ADAMTS10: variants seen among roughly 807,000 people sequenced by gnomAD.
ADAMTS10 encodes A disintegrin and metalloproteinase with thrombospondin motifs 10.
In ADAMTS10, 48 loss-of-function variants were observed where a neutral mutation model predicts 135.9. The ratio of observed to expected loss-of-function variants is 0.35; its 90% confidence interval spans 0.28 to 0.45. ADAMTS10 has a LOEUF of 0.45. Among genes scored for constraint, ADAMTS10 ranks in the 20% least tolerant of loss-of-function variants. The pLI, the probability that ADAMTS10 is intolerant of heterozygous loss-of-function variation, is 1.00. For missense variants in ADAMTS10, 1,131 were observed against 1,565.2 expected (o/e 0.72, Z 4.68); for synonymous variants, 621 against 647.5 (o/e 0.96, Z 0.62).
At position 8,596,378 on chromosome 19, in the gene ADAMTS10, C is replaced by T. The variant is rs1418029475; in HGVS notation, c.1119G>A (p.Glu373=). The change falls in exon 10 of 26, where the codon GAG becomes GAA. Residue 373 remains glutamate (E), a synonymous_variant. Transcript: ENST00000597188. This position sits in a 1 kb window ranked among gnomAD's most constrained non-coding sequence, Gnocchi z 7.2. ...TGTCCTCATTGACGCTGCAGCTTCTCTCGCGCTCACACATTCCGCCCACCG... is the reference window on the plus strand; with the variant it reads ...TGTCCTCATTGACGCTGCAGCTTCTTTCGCGCTCACACATTCCGCCCACCG... The part of the protein sequence containing the change: ...LAPVGGMCER[E]RSCSVNEDIG... 2.5e-6 allele frequency: 4 copies of T among 1,613,176 alleles called. No individual in the cohort carries two copies. The African/African-American group carries it at 4.0e-5, about 16-fold the overall frequency.
In ADAMTS10 at chr19:8,586,891, C is replaced by G. The variant is rs140823638; in HGVS notation, c.2164G>C (p.Glu722Gln). 1 of 1,614,174 alleles carries G rather than the reference C, an allele frequency of 6.2e-7. No homozygotes were observed. The highest frequency in any genetic ancestry group is 8.5e-7 in the Non-Finnish European group (1 of 1,180,032). The stretch of plus-strand genomic sequence containing the variant: ...CCTTTGGGAATCCAGACGACATCCT[C>G]GTACCCTGAACAGCAGAGCTCAGAT... ...FSPASPGAGY[E>Q]DVVWIPKGSV... is the part of the protein sequence containing the mutation. Residue 722 changes from glutamate to glutamine, a missense_variant, in exon 19 of 26, where the codon GAG (glutamate) becomes CAG (glutamine). This residue lies in a region of ADAMTS10 where 745 missense variants were observed against 1,056.3 expected (regional missense o/e 0.71). Transcript: ENST00000597188.
intron 15 of ADAMTS10, 27 bp downstream of exon 15, chr19:8,591,773 C>T: frequency 1.2e-6 from 2 of 1,610,884 alleles, no homozygotes; most frequent in South Asian, 1.1e-5. Flanking sequence ...CCTCCCCCCA[C>T]CCCTCAAGGG....
chr19:8,586,276 C>T (rs2042428031), intron 21 of ADAMTS10, 25 bp from the exon 22 acceptor site: 1 of 1,613,174 alleles, frequency 6.2e-7, no homozygotes, highest in Non-Finnish European at 8.5e-7. Context: ...GAGAGGCCTG[C>T]TCAGCCCCTC....
chr19:8,582,243 G>T (rs2042362903), intron 25 of ADAMTS10, among the ~76,000 whole-genome samples: 1 of 152,240 alleles, frequency 6.6e-6, no homozygotes, highest in East Asian at 1.9e-4. Context: ...GCTGAGTCGG[G>T]CGGATCATGA....
At chr19:8,606,549 G>A (rs924904940) in intron 2 of ADAMTS10, among the ~76,000 whole-genome samples, 2 of 152,020 alleles carry the variant, frequency 1.3e-5, no homozygotes, top group South Asian at 2.1e-4. Context: ...TTACAGGCAC[G>A]CATCAACACG....
chr19:8,595,992 C>A, intron 11 of ADAMTS10, 81 bp downstream of exon 11: 1 of 1,613,872 alleles, frequency 6.2e-7, no homozygotes, highest in Non-Finnish European at 8.5e-7. Flanking sequence ...CAGGGAGCAT[C>A]CCTGATTTCT....
chr19:8,582,972 A>G (rs1374917226), intron 25 of ADAMTS10, among the ~76,000 whole-genome samples: 1 of 151,622 alleles, frequency 6.6e-6, no homozygotes, highest in Non-Finnish European at 1.5e-5. Flanking sequence ...TTGTAGATAC[A>G]GGTGTCTTAC....
intron 25 of ADAMTS10, chr19:8,581,352 T>TA (rs1192010993): frequency 1.2e-5 from 2 of 169,652 alleles, no homozygotes; most frequent in Middle Eastern, 2.8e-3. Context: ...TTTGAGGATT[T>TA]AAGAGAGAGA....
intron 6 of ADAMTS10, among the ~76,000 whole-genome samples, chr19:8,600,661 G>A (rs1555741304): frequency 6.6e-6 from 1 of 151,934 alleles, no homozygotes; most frequent in Non-Finnish European, 1.5e-5. Flanking sequence ...ACCACACTCG[G>A]CTAATTTTTT....
rs143942365 is a variant in ADAMTS10 at position 8,590,359 on chromosome 19, C to T, written c.1798-368G>A. The stretch of plus-strand genomic sequence containing the variant: ...CATGATCTTAGCTCATTGCAACCTC[C>T]ATCTCCTGGGTTCAAGCAATTCTTC... On this transcript the variant is annotated intron_variant, in intron 15 of 25. Coordinates refer to ENST00000597188, the MANE Select transcript of ADAMTS10 (RefSeq NM_030957.4). Among the ~76,000 whole-genome samples the T allele has an allele frequency of 6.0e-3, 918 of 152,264 alleles. 9 individuals carry two copies. Among genetic ancestry groups the T allele is most frequent in the African/African-American group, 0.021 (881 of 41,538 alleles).
In ADAMTS10 at chr19:8,595,017, A is replaced by T. The variant is rs148113992; in HGVS notation, c.1479+745T>A. Among the ~76,000 whole-genome samples, 717 of 152,306 alleles carry T rather than the reference A, an allele frequency of 4.7e-3. 2 individuals are homozygous for T. Among genetic ancestry groups the T allele is most frequent in the Middle Eastern group, 0.01 (3 of 294 alleles). Reference sequence around the variant, plus strand: ...CTGCTTTGCATTAACATGGCATCACAAAAACTCTGATCGTTTGAGTTGTGA... The same window carrying T: ...CTGCTTTGCATTAACATGGCATCACTAAAACTCTGATCGTTTGAGTTGTGA... On this transcript the variant is annotated intron_variant, in intron 12 of 25. Coordinates refer to ENST00000597188, the MANE Select transcript of ADAMTS10 (RefSeq NM_030957.4).
intron 25 of ADAMTS10, among the ~76,000 whole-genome samples, 182 bp downstream of exon 25, chr19:8,584,713 G>T (rs2042399502): frequency 6.6e-6 from 1 of 152,168 alleles, no homozygotes; most frequent in African/African-American, 2.4e-5. Context: ...GAAACACTCA[G>T]CATACAGTGG....
chr19:8,591,866 G>A lies in ADAMTS10; in HGVS notation c.1734-3C>T. 5 of 1,613,488 alleles carry A rather than the reference G, an allele frequency of 3.1e-6. No homozygotes were observed. The highest frequency in any genetic ancestry group is 4.2e-6 in the Non-Finnish European group (5 of 1,180,014). ...AGTACTTGCCCCCGATGGTTGGCCT[G>A]GAAAGGGTGGTGGGATAGGAGAGGG... is the stretch of plus-strand genomic sequence containing the variant. On this transcript the variant is annotated splice_region_variant and splice_polypyrimidine_tract_variant and intron_variant, in intron 14 of 25. Transcript: ENST00000597188.
chr19:8,595,709 G>GCCCCCCCCCC, intron 12 of ADAMTS10, 53 bp downstream of exon 12: 1 of 798,696 alleles, frequency 1.3e-6, no homozygotes, highest in Non-Finnish European at 1.9e-6. Flanking sequence ...CCCTCCCCCA[G>GCCCCCCCCCC]CCCCAGCGGC....
intron 12 of ADAMTS10, 38 bp from the exon 13 acceptor site, chr19:8,592,908 C>T: frequency 5.7e-6 from 9 of 1,581,882 alleles, no homozygotes; most frequent in Non-Finnish European, 6.9e-6. Flanking sequence ...CGCCCCCCTC[C>T]CTTCCTCCCT....
chr19:8,587,171 T>G (rs2042445330), intron 18 of ADAMTS10, among the ~76,000 whole-genome samples: 1 of 151,600 alleles, frequency 6.6e-6, no homozygotes, highest in Admixed American at 6.6e-5. Flanking sequence ...TTCTTTTTTT[T>G]TTTTGGAGAC....
intron 20 of ADAMTS10, 43 bp from the exon 21 acceptor site, chr19:8,586,513 T>A (rs1555737250): frequency 1.2e-6 from 2 of 1,612,678 alleles, no homozygotes; most frequent in Non-Finnish European, 1.7e-6. Context: ...TCGCATGGAG[T>A]CTCTAATTCC....
chr19:8,596,619 G>A lies in ADAMTS10; in HGVS notation c.1041-34C>T, dbSNP rs1555740329. The A allele has an allele frequency of 1.9e-6, 3 of 1,610,514 alleles. No individual in the cohort carries two copies. The highest frequency in any genetic ancestry group is 2.2e-5 in the South Asian group (2 of 90,724). ...GGAGACAGGGTCAGTGAGGGGGCTG[G>A]GCTGTCTCCCTAAGCCCTGCTGATG... On this transcript the variant is annotated intron_variant, in intron 8 of 25. Coordinates refer to ENST00000597188, the MANE Select transcript of ADAMTS10 (RefSeq NM_030957.4). This position sits in a 1 kb window ranked among gnomAD's most constrained non-coding sequence, Gnocchi z 7.2.
Position 8,605,149 on chromosome 19 carries a change from C to G in ADAMTS10, c.298G>C (p.Gly100Arg). The G allele has an allele frequency of 6.2e-7, 1 of 1,613,970 alleles. No homozygotes were observed. Among genetic ancestry groups the G allele is most frequent in the Non-Finnish European group, 8.5e-7 (1 of 1,179,946 alleles). Residue 100 changes from glycine (G) to arginine (R), a missense_variant, in exon 4 of 26, where the codon GGG becomes CGG. Physicochemically the swap from Gly to Arg is moderately radical, Grantham distance 125. Coordinates refer to ENST00000597188, the MANE Select transcript of ADAMTS10 (RefSeq NM_030957.4). This position sits in a 1 kb window ranked among gnomAD's most constrained non-coding sequence, Gnocchi z 7.7. ...GTCCAGTACTCCACGGAGACGTGCCCTGCCAGTAGACGGGAGCTGCGGGTC... is the reference window on the plus strand; with the variant it reads ...GTCCAGTACTCCACGGAGACGTGCCGTGCCAGTAGACGGGAGCTGCGGGTC... ...NLTRSSRLLA[G>R]HVSVEYWTRE... is the part of the protein sequence containing the mutation.
Sources: allele counts gnomAD v4.1 joint callset (sites outside exome capture counted in the v4.1 genomes callset), GRCh38; gene constraint gnomAD v4.1.1; regional missense constraint gnomAD v4.1.1; non-coding constraint Gnocchi (gnomAD v3.1); transcripts MANE v1.5; gene names NCBI Gene and HGNC (gene_info 2026-07-23, HGNC 2026-07-21).